SAMD4A: variants seen among roughly 807,000 people sequenced by gnomAD.
SAMD4A encodes protein Smaug homolog 1.
In SAMD4A, 33 loss-of-function variants were observed where a neutral mutation model predicts 81.3. The observed-to-expected ratio is 0.41, with a 90% CI of 0.31 to 0.54. The LOEUF (loss-of-function observed/expected upper bound fraction) is 0.54, where lower values mean the gene tolerates loss of function less well. SAMD4A is among the 20% of genes least tolerant of loss of function. The probability of loss-of-function intolerance (pLI) is 0.37; values close to 1 mark genes in which losing one functional copy is unlikely to be tolerated. For missense variants in SAMD4A, 854 were observed against 951.1 expected (o/e 0.90, Z 1.34); for synonymous variants, 389 against 382.1 (o/e 1.02, Z -0.21).
At position 54,737,066 on chromosome 14, in the gene SAMD4A, T is replaced by A. The variant is rs1037419680; in HGVS notation, c.758T>A (p.Val253Glu). 1 of 1,614,118 alleles carries A rather than the reference T, an allele frequency of 6.2e-7. No homozygotes were observed. The stretch of plus-strand genomic sequence containing the variant: ...CACCACAGCCCTTTGAAACGATCTG[T>A]GTCCCTTACCCCACCCATGAATGTG... ...QAHHSPLKRS[V>E]SLTPPMNVPN... The change falls in exon 4 of 13, where the codon GTG (valine) becomes GAG (glutamate). Residue 253 changes from valine (V) to glutamate (E), a missense_variant. By Grantham distance (121) the Val-to-Glu change is moderately radical. Coordinates refer to ENST00000554335, the MANE Select transcript of SAMD4A (RefSeq NM_015589.6).
In SAMD4A at chr14:54,789,869, T is replaced by C. The variant is rs1357056855; in HGVS notation, c.*925T>C. 6.6e-6 allele frequency: 1 copy of C among 152,220 alleles called. No individual in the cohort carries two copies. The highest frequency in any genetic ancestry group is 1.5e-5 in the Non-Finnish European group (1 of 68,042). 9.4% of individuals were successfully genotyped at this position (152,220 alleles called of 1,614,324 possible). A position where few individuals can be genotyped will look rare whatever the true frequency, so the allele number is the denominator to read the frequency against. ...TGAGCGCACAAGGATGAGGACATCATGTGATCAGTTATGGGTTTGCTCGCA... is the reference window on the plus strand; with the variant it reads ...TGAGCGCACAAGGATGAGGACATCACGTGATCAGTTATGGGTTTGCTCGCA... On this transcript the variant is annotated 3_prime_UTR_variant, in exon 13 of 13. Coordinates refer to ENST00000554335, the MANE Select transcript of SAMD4A (RefSeq NM_015589.6).
chr14:54,569,310 C>G (rs1039241545), intron 2 of SAMD4A, among the ~76,000 whole-genome samples: 2 of 152,180 alleles, frequency 1.3e-5, no homozygotes, highest in Non-Finnish European at 2.9e-5. Flanking sequence ...TTCCTCCTCC[C>G]TAGTATGGTG....
chr14:54,660,780 G>A (rs536752725), intron 2 of SAMD4A, among the ~76,000 whole-genome samples: 3 of 152,302 alleles, frequency 2.0e-5, no homozygotes, highest in South Asian at 2.1e-4. Context: ...AGTGAGATCC[G>A]TGCATAATTT....
chr14:54,681,832 A>G (rs2036135683), intron 2 of SAMD4A: 7 of 985,268 alleles, frequency 7.1e-6, no homozygotes, highest in South Asian at 9.4e-5. Context: ...AAACAAAGTA[A>G]GAATTGGAAC....
At chr14:54,684,824 G>A (rs902382646) in intron 2 of SAMD4A, among the ~76,000 whole-genome samples, 1 of 152,268 alleles carries the variant, frequency 6.6e-6, no homozygotes. Flanking sequence ...GCAGGCAGCA[G>A]GCCTGCTCTG....
At chr14:54,684,621 C>CA (rs1434813617) in intron 2 of SAMD4A, among the ~76,000 whole-genome samples, 1 of 105,098 alleles carries the variant, frequency 9.5e-6, no homozygotes, top group African/African-American at 3.0e-5. Context: ...CGCCCCCCCC[C>CA]CCAACCAGAA....
At chr14:54,708,196 A>C (rs1372306136) in intron 3 of SAMD4A, among the ~76,000 whole-genome samples, 1 of 152,192 alleles carries the variant, frequency 6.6e-6, no homozygotes, top group Non-Finnish European at 1.5e-5. Context: ...ATATATTTTG[A>C]AAATAGAACC....
At chr14:54,699,451 G>A (rs57807652) in intron 2 of SAMD4A, among the ~76,000 whole-genome samples, 3,867 of 152,238 alleles carry the variant, frequency 0.025, 174 homozygotes, top group African/African-American at 0.089. Flanking sequence ...CCTGTGCTCA[G>A]CAGCTCAGTA....
At chr14:54,774,910 T>C in intron 9 of SAMD4A, 24 bp from the exon 10 acceptor site, 1 of 1,613,352 alleles carries the variant, frequency 6.2e-7, no homozygotes, top group South Asian at 1.1e-5. Flanking sequence ...TGATATTCTC[T>C]TCCTTCTCTC....
chr14:54,616,066 A>G (rs2034483212), intron 2 of SAMD4A, among the ~76,000 whole-genome samples: 2 of 152,248 alleles, frequency 1.3e-5, no homozygotes, highest in South Asian at 4.1e-4. Context: ...ACTCTATAAA[A>G]TCACACACTA....
At chr14:54,651,525 C>A (rs1326370431) in intron 2 of SAMD4A, among the ~76,000 whole-genome samples, 2 of 152,126 alleles carry the variant, frequency 1.3e-5, no homozygotes, top group African/African-American at 4.8e-5. Context: ...GAGTGCTTTG[C>A]AACTAATGGG....
intron 2 of SAMD4A, among the ~76,000 whole-genome samples, chr14:54,603,289 TA>T (rs2034110039): frequency 6.6e-6 from 1 of 152,262 alleles, no homozygotes; most frequent in South Asian, 2.1e-4. Flanking sequence ...AAAACTATTT[TA>T]ATATGTCCCC....
chr14:54,612,341 A>G (rs2034378793), intron 2 of SAMD4A, among the ~76,000 whole-genome samples: 1 of 152,194 alleles, frequency 6.6e-6, no homozygotes, highest in African/African-American at 2.4e-5. Flanking sequence ...TGAATATGAT[A>G]GACTAATCTA....
At position 54,659,174 on chromosome 14, in the gene SAMD4A, T is replaced by C. The variant is rs74056507; in HGVS notation, c.197-42888T>C. 6.6e-3 allele frequency among the ~76,000 whole-genome samples: 1,011 copies of C among 152,296 alleles called. 11 individuals carry two copies. Among genetic ancestry groups the C allele is most frequent in the African/African-American group, 0.023 (958 of 41,552 alleles). The stretch of plus-strand genomic sequence containing the variant: ...TCCCTTACAGAGGTTTCCCCAGCCT[T>C]TTTTTATGCCCAGACACAGGCTAAC... On this transcript the variant is annotated intron_variant, in intron 2 of 12. Transcript: ENST00000554335.
chr14:54,572,829 T>C (rs2033170119), intron 2 of SAMD4A, among the ~76,000 whole-genome samples: 1 of 152,214 alleles, frequency 6.6e-6, no homozygotes, highest in Non-Finnish European at 1.5e-5. Flanking sequence ...TTAATTAATA[T>C]AGAATTGATA....
At chr14:54,755,435 A>AG (rs1267777970) in intron 6 of SAMD4A, among the ~76,000 whole-genome samples, 1 of 152,170 alleles carries the variant, frequency 6.6e-6, no homozygotes, top group East Asian at 1.9e-4. Flanking sequence ...ACTCCCCAGA[A>AG]GTGTGTGCCA....
At chr14:54,783,457 G>A (rs932775101) in intron 11 of SAMD4A, among the ~76,000 whole-genome samples, 3 of 152,210 alleles carry the variant, frequency 2.0e-5, no homozygotes, top group South Asian at 2.1e-4. Context: ...CACAAGAGGC[G>A]ACATTGGAAC....
At chr14:54,583,070 A>T (rs1013138618) in intron 2 of SAMD4A, among the ~76,000 whole-genome samples, 1 of 152,084 alleles carries the variant, frequency 6.6e-6, no homozygotes, top group Non-Finnish European at 1.5e-5. Flanking sequence ...CAGCCTCCCG[A>T]GTAGCTGGGG....
chr14:54,626,075 CGAGT>C (rs2034756266), intron 2 of SAMD4A, among the ~76,000 whole-genome samples: 1 of 138,950 alleles, frequency 7.2e-6, no homozygotes, highest in African/African-American at 3.0e-5. Flanking sequence ...CGCGCGCGCG[CGAGT>C]GCGCACATGT....
Sources: gnomAD v4.1 joint callset for allele counts (sites outside exome capture counted in the v4.1 genomes callset) on GRCh38, gnomAD v4.1.1 for gene constraint, MANE v1.5 for transcripts, NCBI Gene and HGNC (gene_info 2026-07-23, HGNC 2026-07-21) for gene names.